CDK7: variants seen among roughly 807,000 people sequenced by gnomAD.
The protein encoded by CDK7 is cyclin-dependent kinase 7.
A neutral mutation model predicts 49.1 loss-of-function variants in CDK7; 25 were observed. The observed-to-expected ratio is 0.51, with a 90% CI of 0.37 to 0.71. The LOEUF (loss-of-function observed/expected upper bound fraction) is 0.71. Ranked by LOEUF, CDK7 falls within the 30% of genes least tolerant of loss-of-function variation. The pLI, the probability that CDK7 is intolerant of heterozygous loss-of-function variation, is 0.00. For missense variants in CDK7, 316 were observed against 411.7 expected (o/e 0.77, Z 2.01); for synonymous variants, 107 against 140.0 (o/e 0.76, Z 1.67).
chr5:69,249,013 T>G (rs1749955738), intron 2 of CDK7, among the ~76,000 whole-genome samples: 1 of 151,990 alleles, frequency 6.6e-6, no homozygotes, highest in Non-Finnish European at 1.5e-5. Context: ...TGGTACCTAT[T>G]TCTGCATTTG....
At chr5:69,259,485 TTTA>T (rs1028526325) in intron 6 of CDK7, among the ~76,000 whole-genome samples, 33 of 152,280 alleles carry the variant, frequency 2.2e-4, no homozygotes, top group African/African-American at 7.9e-4. Flanking sequence ...AAAGTTCATA[TTTA>T]TTATTAATAG....
At chr5:69,256,620 C>T (rs547557447) in intron 5 of CDK7, among the ~76,000 whole-genome samples, 8 of 152,202 alleles carry the variant, frequency 5.3e-5, no homozygotes, top group East Asian at 1.9e-4. Flanking sequence ...GGATTATAAG[C>T]GTGAGCCACC....
At chr5:69,268,355 G>A (rs558242742) in intron 8 of CDK7, among the ~76,000 whole-genome samples, 9 of 152,264 alleles carry the variant, frequency 5.9e-5, no homozygotes, top group Admixed American at 2.0e-4. Context: ...AATTCCTGAG[G>A]CTTAGCACAA....
At chr5:69,265,322 A>G (rs1751078538) in intron 8 of CDK7, among the ~76,000 whole-genome samples, 1 of 152,136 alleles carries the variant, frequency 6.6e-6, no homozygotes, top group Non-Finnish European at 1.5e-5. Context: ...ACTTTCAAAA[A>G]AAAATTCTAA....
intron 2 of CDK7, 129 bp from the exon 3 acceptor site, chr5:69,252,289 A>G: frequency 1.5e-6 from 1 of 655,412 alleles, no homozygotes; most frequent in East Asian, 3.0e-5. Context: ...TTTGCCTAGT[A>G]GGTACATATT....
chr5:69,271,584 T>C (rs904438918), intron 9 of CDK7, among the ~76,000 whole-genome samples: 1 of 150,744 alleles, frequency 6.6e-6, no homozygotes, highest in Non-Finnish European at 1.5e-5. Context: ...TGATCTCAGC[T>C]CACTGCAACT....
chr5:69,247,887 TC>T (rs1294382140), intron 2 of CDK7, among the ~76,000 whole-genome samples: 1 of 152,194 alleles, frequency 6.6e-6, no homozygotes, highest in Non-Finnish European at 1.5e-5. Flanking sequence ...TAACTTTGTC[TC>T]CCCACTTTGT....
intron 2 of CDK7, among the ~76,000 whole-genome samples, chr5:69,237,649 T>A (rs1322986058): frequency 2.0e-5 from 3 of 152,182 alleles, no homozygotes; most frequent in African/African-American, 7.2e-5. Flanking sequence ...TAGACACTGT[T>A]AAAAATGTAT....
chr5:69,269,317 G>A lies in CDK7; in HGVS notation c.714+24G>A, dbSNP rs200046592. 41 of 1,532,938 alleles carry A rather than the reference G, an allele frequency of 2.7e-5. No individual in the cohort carries two copies. The African/African-American group carries it at 5.2e-4, about 20-fold the overall frequency. The allele number at this position is 1,532,938 out of a possible 1,614,324, so 95.0% of individuals were successfully genotyped here. A position where few individuals can be genotyped will look rare whatever the true frequency, so the allele number is the denominator to read the frequency against. On this transcript the variant is annotated intron_variant, in intron 9 of 11. Coordinates refer to ENST00000256443, the MANE Select transcript of CDK7 (RefSeq NM_001799.4). The stretch of plus-strand genomic sequence containing the variant: ...CGGTAAGCCTTTATGCATTTTCTTT[G>A]AAATGTAATTAGGACTCTGTAAAGT...
intron 10 of CDK7, among the ~76,000 whole-genome samples, chr5:69,273,322 CT>C: frequency 9.2e-6 from 1 of 108,960 alleles, no homozygotes; most frequent in South Asian, 3.1e-4. Flanking sequence ...CTTGTAAATA[CT>C]TTACTTAGAA....
intron 2 of CDK7, among the ~76,000 whole-genome samples, chr5:69,249,946 AT>A (rs1270516842): frequency 6.6e-6 from 1 of 152,224 alleles, no homozygotes. Context: ...TATTTGTTGA[AT>A]TTACCTGATA....
chr5:69,270,987 G>T (rs918197411), intron 9 of CDK7, among the ~76,000 whole-genome samples: 4 of 152,080 alleles, frequency 2.6e-5, no homozygotes, highest in Non-Finnish European at 5.9e-5. Context: ...TGGGATAAAT[G>T]CCCAGGAGTT....
At chr5:69,253,327 C>T (rs1240219869) in intron 3 of CDK7, among the ~76,000 whole-genome samples, 1 of 152,024 alleles carries the variant, frequency 6.6e-6, no homozygotes, top group Admixed American at 6.6e-5. Context: ...TGCAGTATCG[C>T]AATCTCGGCT....
chr5:69,239,838 A>G (rs1749248018), intron 2 of CDK7, among the ~76,000 whole-genome samples: 1 of 151,616 alleles, frequency 6.6e-6, no homozygotes. Context: ...TATTCCATCA[A>G]CAAGTTTTTC....
intron 2 of CDK7, among the ~76,000 whole-genome samples, chr5:69,237,577 A>G (rs1373264373): frequency 6.6e-6 from 1 of 151,952 alleles, no homozygotes; most frequent in Non-Finnish European, 1.5e-5. Context: ...CCTCCTATCT[A>G]TGAGTTTATT....
intron 2 of CDK7, among the ~76,000 whole-genome samples, chr5:69,247,047 G>A (rs1749801494): frequency 6.6e-6 from 1 of 152,142 alleles, no homozygotes; most frequent in Non-Finnish European, 1.5e-5. Context: ...TCATTCATTT[G>A]CTGAGGAGAA....
chr5:69,257,123 A>G (rs1252919213), intron 5 of CDK7, among the ~76,000 whole-genome samples: 2 of 152,176 alleles, frequency 1.3e-5, no homozygotes. Flanking sequence ...TATTCTGGAA[A>G]AGGCAAAATG....
In CDK7 at chr5:69,236,882, C is replaced by G. The variant is rs372770201; in HGVS notation, c.126+1429C>G. Among the ~76,000 whole-genome samples, 11 of 151,106 alleles carry G rather than the reference C, an allele frequency of 7.3e-5. No homozygotes were observed. In the East Asian group the frequency reaches 2.1e-3, roughly 29 times the overall value. On this transcript the variant is annotated intron_variant, in intron 2 of 11. Coordinates refer to ENST00000256443, the MANE Select transcript of CDK7 (RefSeq NM_001799.4). ...GGCCAGGCTGGTCTCGAACTCCTGA[C>G]CTCAGTTGATCCACCCACTTCGGCC...
At chr5:69,247,337 A>G (rs1749821368) in intron 2 of CDK7, among the ~76,000 whole-genome samples, 1 of 152,190 alleles carries the variant, frequency 6.6e-6, no homozygotes, top group Admixed American at 6.5e-5. Flanking sequence ...ATCATTATAT[A>G]GTGACTTTGT....
Sources: gnomAD v4.1 joint callset for allele counts (sites outside exome capture counted in the v4.1 genomes callset) on GRCh38, gnomAD v4.1.1 for gene constraint, MANE v1.5 for transcripts, NCBI Gene and HGNC (gene_info 2026-07-23, HGNC 2026-07-21) for gene names.